The following CYP27A1 variants were observed in gnomAD, a reference collection of about 807,000 sequenced individuals.
CYP27A1 encodes cytochrome P450 family 27 subfamily A member 1.
CYP27A1 carries 46 observed loss-of-function variants against 58.2 expected under a neutral mutation model. The ratio of observed to expected loss-of-function variants is 0.79; its 90% CI spans 0.62 to 1.01. CYP27A1 has a LOEUF of 1.01. CYP27A1 is among the 50% of genes least tolerant of loss of function. The probability of loss-of-function intolerance (pLI) is 0.00; values close to 1 mark genes in which losing one functional copy is unlikely to be tolerated. For missense variants in CYP27A1, 704 were observed against 687.0 expected (o/e 1.02, Z -0.28); for synonymous variants, 274 against 285.1 (o/e 0.96, Z 0.39).
At chr2:218,806,789 C>T (rs1943655979) in intron 1 of CYP27A1, among the ~76,000 whole-genome samples, 1 of 152,030 alleles carries the variant, frequency 6.6e-6, no homozygotes, top group African/African-American at 2.4e-5. Flanking sequence ...ATTAAACCTA[C>T]CCCAAACAGC....
intron 1 of CYP27A1, among the ~76,000 whole-genome samples, chr2:218,786,351 C>T (rs560506581): frequency 1.6e-4 from 25 of 152,298 alleles, no homozygotes; most frequent in African/African-American, 4.6e-4. Context: ...AAGGGGAGGA[C>T]GGCAATGGAT....
At chr2:218,789,857 G>A (rs867125222) in intron 1 of CYP27A1, among the ~76,000 whole-genome samples, 1 of 152,176 alleles carries the variant, frequency 6.6e-6, no homozygotes, top group Non-Finnish European at 1.5e-5. Context: ...GTGGGAACAA[G>A]GACTTCAGGT....
chr2:218,794,493 G>A (rs1943526514), intron 1 of CYP27A1, among the ~76,000 whole-genome samples: 1 of 152,164 alleles, frequency 6.6e-6, no homozygotes, highest in Non-Finnish European at 1.5e-5. Context: ...TGTATCAAAA[G>A]GAGAAAAGGG....
At chr2:218,785,399 C>T (rs554704630) in intron 1 of CYP27A1, among the ~76,000 whole-genome samples, 2 of 151,970 alleles carry the variant, frequency 1.3e-5, no homozygotes, top group Admixed American at 1.3e-4. Context: ...TCTGTGGCCC[C>T]GTTGTTGGGG....
At chr2:218,787,787 C>T (rs1262200891) in intron 1 of CYP27A1, among the ~76,000 whole-genome samples, 1 of 152,162 alleles carries the variant, frequency 6.6e-6, no homozygotes, top group African/African-American at 2.4e-5. Flanking sequence ...CCTCCAGAAC[C>T]GTAAGAAACA....
chr2:218,810,738 GT>G (rs1251663271), intron 2 of CYP27A1, among the ~76,000 whole-genome samples: 1 of 152,000 alleles, frequency 6.6e-6, no homozygotes, highest in Non-Finnish European at 1.5e-5. Context: ...GTCTATTCTG[GT>G]TTTCATTTCT....
rs1943737223 is a variant in CYP27A1, at chr2:218,812,755, G to A, written c.844+6G>A. ...GAATGCCATCTTTTCCTTTGGTGAGGACTCCCAGATGGGGCCCAGGGAAGA... is the reference window on the plus strand; with the variant it reads ...GAATGCCATCTTTTCCTTTGGTGAGAACTCCCAGATGGGGCCCAGGGAAGA... On this transcript the variant is annotated splice_donor_region_variant and intron_variant, in intron 4 of 8. Transcript: ENST00000258415. 3.1e-6 allele frequency: 5 copies of A among 1,614,142 alleles called. No homozygotes were observed. Among genetic ancestry groups the A allele is most frequent in the Non-Finnish European group, 3.4e-6 (4 of 1,180,010 alleles).
chr2:218,785,191 C>T, intron 1 of CYP27A1, among the ~76,000 whole-genome samples: 1 of 152,140 alleles, frequency 6.6e-6, no homozygotes, highest in East Asian at 1.9e-4. Context: ...ACCTAGATCC[C>T]TCACATATGC....
intron 1 of CYP27A1, among the ~76,000 whole-genome samples, chr2:218,803,655 A>G (rs983204963): frequency 6.7e-6 from 1 of 149,008 alleles, no homozygotes; most frequent in Non-Finnish European, 1.5e-5. Flanking sequence ...ATCTCTTGAC[A>G]TCGTGATCTG....
In CYP27A1 at chr2:218,812,359, A is replaced by G. The variant is rs1278157791; in HGVS notation, c.584A>G (p.Glu195Gly). 1 of 1,614,230 alleles carries G rather than the reference A, an allele frequency of 6.2e-7. No homozygotes were observed. The highest frequency in any genetic ancestry group is 2.2e-5 in the East Asian group (1 of 44,888). ...ACTCGACTGGACCAGCTGCGGGCAG[A>G]GAGTGCTTCGGGGAACCAGGTGTCG... ...FMTRLDQLRA[E>G]SASGNQVSDM... is the part of the protein sequence containing the mutation. Residue 195 changes from glutamate (E) to glycine (G), a missense_variant, in exon 3 of 9, where the codon GAG becomes GGG. Coordinates refer to ENST00000258415, the MANE Select transcript of CYP27A1 (RefSeq NM_000784.4).
In CYP27A1 at chr2:218,814,299, G is replaced by A. The variant is rs1943758692; in HGVS notation, c.1185-81G>A. 14 of 1,595,186 alleles carry A rather than the reference G, an allele frequency of 8.8e-6. No homozygotes were observed. The South Asian group carries it at 1.4e-4, about 16-fold the overall frequency. ...CTGGGGCTAGTGACAAGGATGAGAT[G>A]GGAGAGGTAGGGGAGAAGGAGTGGG... On this transcript the variant is annotated intron_variant, in intron 6 of 8. Transcript: ENST00000258415.
Position 218,815,254 on chromosome 2 carries a change from G to T in CYP27A1, c.*224G>T. 1.8e-6 allele frequency: 1 copy of T among 567,212 alleles called. No individual in the cohort carries two copies. The allele number at this position is 567,212 out of a possible 1,614,324, so 35.1% of individuals were successfully genotyped here. On this transcript the variant is annotated 3_prime_UTR_variant, in exon 9 of 9. Transcript: ENST00000258415. ...CCCCTTTATCGCATTGCTGTCCTTGGGTAGAATATAAAATAAAGGGACTTT... is the reference window on the plus strand; with the variant it reads ...CCCCTTTATCGCATTGCTGTCCTTGTGTAGAATATAAAATAAAGGGACTTT...
intron 1 of CYP27A1, among the ~76,000 whole-genome samples, chr2:218,790,358 C>T (rs903244484): frequency 6.6e-6 from 1 of 152,216 alleles, no homozygotes; most frequent in Non-Finnish European, 1.5e-5. Context: ...ACTGTTATGA[C>T]TATCAAGAGG....
At chr2:218,810,137 G>A (rs951243134) in intron 2 of CYP27A1, among the ~76,000 whole-genome samples, 26 of 152,040 alleles carry the variant, frequency 1.7e-4, no homozygotes, top group African/African-American at 5.3e-4. Flanking sequence ...AAATTAGCCA[G>A]GTGTGGTGGT....
intron 1 of CYP27A1, among the ~76,000 whole-genome samples, chr2:218,807,218 C>CA (rs1575204121): frequency 1.3e-5 from 2 of 152,016 alleles, no homozygotes; most frequent in Non-Finnish European, 1.5e-5. Context: ...CTCAGCCTCC[C>CA]AAAGTGCTGG....
At chr2:218,814,500 T>C in intron 7 of CYP27A1, 42 bp downstream of exon 7, 1 of 1,613,490 alleles carries the variant, frequency 6.2e-7, no homozygotes, top group Non-Finnish European at 8.5e-7. Flanking sequence ...GAGTGCCCTA[T>C]GCCCCCGAAG....
chr2:218,814,887 C>T, intron 8 of CYP27A1, 24 bp from the exon 9 acceptor site: 3 of 1,614,190 alleles, frequency 1.9e-6, no homozygotes, highest in Non-Finnish European at 2.5e-6. Context: ...ATCCACCCAA[C>T]CACATGTGCT....
intron 1 of CYP27A1, among the ~76,000 whole-genome samples, chr2:218,790,099 C>A (rs1483897688): frequency 6.6e-6 from 1 of 152,170 alleles, no homozygotes; most frequent in Non-Finnish European, 1.5e-5. Flanking sequence ...TTTCCAATTT[C>A]TCCTCTTTTG....
intron 5 of CYP27A1, among the ~76,000 whole-genome samples, chr2:218,813,796 C>T (rs1431397702): frequency 6.6e-6 from 1 of 152,044 alleles, no homozygotes; most frequent in Non-Finnish European, 1.5e-5. Flanking sequence ...TCTGTGTTGC[C>T]GTCCCCTCCT....
Sources: allele counts gnomAD v4.1 joint callset (sites outside exome capture counted in the v4.1 genomes callset), GRCh38; gene constraint gnomAD v4.1.1; transcripts MANE v1.5; gene names NCBI Gene and HGNC (gene_info 2026-07-23, HGNC 2026-07-21).